The following SYT14 variants were observed in gnomAD, a reference collection of about 807,000 sequenced individuals.
SYT14 encodes the protein synaptotagmin-14.
In SYT14, 32 loss-of-function variants were observed where a neutral mutation model predicts 74.2. The observed-to-expected ratio is 0.43, with a 90% CI of 0.33 to 0.58. SYT14 has a LOEUF of 0.58. Ranked by LOEUF, SYT14 falls within the 20% of genes least tolerant of loss-of-function variation. The probability of loss-of-function intolerance (pLI) is 0.05; values close to 1 mark genes in which losing one functional copy is unlikely to be tolerated. For synonymous variants in SYT14, 298 were observed against 337.7 expected (o/e 0.88, Z 1.29); for missense variants, 791 against 981.8 (o/e 0.81, Z 2.60).
intron 2 of SYT14, among the ~76,000 whole-genome samples, chr1:209,997,479 A>C (rs2079818899): frequency 6.6e-6 from 1 of 152,162 alleles, no homozygotes; most frequent in South Asian, 2.1e-4. Flanking sequence ...AGATGATACA[A>C]ATAGAAAACA....
chr1:210,052,613 G>C (rs2081019421), intron 5 of SYT14, among the ~76,000 whole-genome samples: 1 of 128,958 alleles, frequency 7.8e-6, no homozygotes, highest in Non-Finnish European at 1.5e-5. Context: ...AGTGAACTGA[G>C]ATCACGCCAC....
chr1:209,994,393 T>C (rs921340153), intron 2 of SYT14, among the ~76,000 whole-genome samples: 1 of 152,130 alleles, frequency 6.6e-6, no homozygotes, highest in Non-Finnish European at 1.5e-5. Flanking sequence ...GGAAAGAATC[T>C]TAGACTTTGA....
At chr1:209,940,883 T>C (rs2078719279) in intron 1 of SYT14, among the ~76,000 whole-genome samples, 1 of 152,200 alleles carries the variant, frequency 6.6e-6, no homozygotes, top group Admixed American at 6.5e-5. Context: ...TCAAAACTGT[T>C]ATACCACTCC....
intron 7 of SYT14, among the ~76,000 whole-genome samples, chr1:210,152,069 C>G (rs1251933680): frequency 6.6e-6 from 1 of 152,174 alleles, no homozygotes; most frequent in African/African-American, 2.4e-5. Flanking sequence ...CAAATGTGCT[C>G]AAGCATGTTT....
intron 2 of SYT14, among the ~76,000 whole-genome samples, chr1:209,958,994 A>G (rs1156793644): frequency 6.6e-6 from 1 of 152,158 alleles, no homozygotes; most frequent in Non-Finnish European, 1.5e-5. Context: ...ACTTTAGAAA[A>G]CAATTACAAA....
intron 5 of SYT14, among the ~76,000 whole-genome samples, chr1:210,042,070 A>C (rs963332809): frequency 6.6e-6 from 1 of 151,976 alleles, no homozygotes; most frequent in African/African-American, 2.4e-5. Flanking sequence ...TTCTGAGTGC[A>C]TTCTACAGTT....
chr1:210,157,296 G>C (rs911815271), intron 8 of SYT14, among the ~76,000 whole-genome samples: 2 of 151,582 alleles, frequency 1.3e-5, no homozygotes, highest in Non-Finnish European at 2.9e-5. Flanking sequence ...TTAAAAATTA[G>C]TCAGGCATGG....
At chr1:210,166,951 ATTAATAT>A (rs1363847865) in exon 10 of SYT14, 2 of 152,172 alleles carry the variant, frequency 1.3e-5, no homozygotes, top group Non-Finnish European at 2.9e-5. Context: ...AATGAAAAAA[ATTAATAT>A]TTAATAATGA....
intron 6 of SYT14, among the ~76,000 whole-genome samples, chr1:210,099,230 A>T (rs892833212): frequency 3.3e-5 from 5 of 152,170 alleles, no homozygotes; most frequent in African/African-American, 1.2e-4. Context: ...ATTACATTCT[A>T]GATAGATAGA....
rs1022414164 is a variant in SYT14 at position 210,112,874 on chromosome 1, G to C, written c.2034+12413G>C. Reference sequence around the variant, plus strand: ...TTGACATGTAGTCTTTTGCAAGAGTGAGGGCTCGAGTCAAGGCAATGAGTT... The same window carrying C: ...TTGACATGTAGTCTTTTGCAAGAGTCAGGGCTCGAGTCAAGGCAATGAGTT... On this transcript the variant is annotated intron_variant, in intron 7 of 9. Transcript: ENST00000637265. 9.2e-5 allele frequency among the ~76,000 whole-genome samples: 14 copies of C among 151,384 alleles called. 1 individual carries two copies. The highest frequency in any genetic ancestry group is 3.4e-4 in the African/African-American group (14 of 40,660).
At chr1:210,155,961 C>G (rs1360099686) in intron 8 of SYT14, 51 bp downstream of exon 7, 1 of 1,538,738 alleles carries the variant, frequency 6.5e-7, no homozygotes. Flanking sequence ...ACTTTTGGGA[C>G]TCTCAGTATT....
intron 7 of SYT14, among the ~76,000 whole-genome samples, chr1:210,117,782 G>C (rs1298141838): frequency 6.6e-6 from 1 of 152,170 alleles, no homozygotes; most frequent in East Asian, 1.9e-4. Context: ...TAGGAAAAAA[G>C]TCAGGTTTAA....
At chr1:209,952,260 A>C (rs889699986) in intron 1 of SYT14, among the ~76,000 whole-genome samples, 2 of 152,194 alleles carry the variant, frequency 1.3e-5, no homozygotes, top group Admixed American at 1.3e-4. Flanking sequence ...CAAATTTATA[A>C]TAGTGGGTTG....
At chr1:209,938,299 G>A in intron 1 of SYT14, 22 bp downstream of exon 1, 5 of 1,553,404 alleles carry the variant, frequency 3.2e-6, no homozygotes, top group Non-Finnish European at 3.5e-6. Context: ...CTGACAGCGG[G>A]GAGCGAGGAC....
chr1:210,024,428 T>C (rs987984196), intron 5 of SYT14, among the ~76,000 whole-genome samples: 7 of 152,288 alleles, frequency 4.6e-5, no homozygotes, highest in African/African-American at 1.7e-4. Flanking sequence ...TTGGAACATT[T>C]GGAAGAAGAA....
At chr1:210,022,528 T>C (rs998787120) in intron 5 of SYT14, among the ~76,000 whole-genome samples, 1 of 152,188 alleles carries the variant, frequency 6.6e-6, no homozygotes, top group Admixed American at 6.5e-5. Context: ...AGGAAGAGAA[T>C]GTGTTTTGAG....
intron 7 of SYT14, among the ~76,000 whole-genome samples, chr1:210,137,685 T>C (rs1258050909): frequency 6.6e-6 from 1 of 150,482 alleles, no homozygotes; most frequent in Non-Finnish European, 1.5e-5. Context: ...AAATTTCTTT[T>C]TTTTTTTTTT....
chr1:210,167,869 T>C (rs1174980565), exon 10 of SYT14: 2 of 152,196 alleles, frequency 1.3e-5, no homozygotes, highest in East Asian at 1.9e-4. Flanking sequence ...CCCACTCTTA[T>C]TCATATACAC....
intron 7 of SYT14, among the ~76,000 whole-genome samples, chr1:210,104,534 T>C (rs1385839902): frequency 2.0e-5 from 3 of 152,180 alleles, no homozygotes; most frequent in Non-Finnish European, 4.4e-5. Flanking sequence ...ATTTGAACTC[T>C]TATATACACA....
Sources: allele counts gnomAD v4.1 joint callset (sites outside exome capture counted in the v4.1 genomes callset), GRCh38; gene constraint gnomAD v4.1.1; transcripts MANE v1.5; gene names NCBI Gene and HGNC (gene_info 2026-07-23, HGNC 2026-07-21).